CALHM5: variants seen among roughly 807,000 people sequenced by gnomAD.
The protein encoded by CALHM5 is calcium homeostasis modulator protein 5.
Under a neutral mutation model 20.9 loss-of-function variants are expected in CALHM5, and 17 were observed. The observed-to-expected ratio is 0.82, with a 90% confidence interval of 0.56 to 1.22. The LOEUF is 1.22. CALHM5 is among the 50% of genes most tolerant of loss of function. CALHM5 has a pLI of 0.00. For missense variants in CALHM5, 360 were observed against 364.6 expected (o/e 0.99, Z 0.10); for synonymous variants, 148 against 140.0 (o/e 1.06, Z -0.40).
intron 1 of CALHM5, among the ~76,000 whole-genome samples, chr6:116,512,944 A>C (rs938475619): frequency 2.6e-5 from 4 of 152,218 alleles, no homozygotes; most frequent in Non-Finnish European, 5.9e-5. Flanking sequence ...TGTTTTATTT[A>C]ACAGAAGGAA....
Position 116,511,802 on chromosome 6 carries a change from G to A in CALHM5, c.106G>A (p.Val36Ile), listed in dbSNP as rs1182515322. Residue 36 changes from valine (V) to isoleucine (I), a missense_variant, in exon 1 of 2, where the codon GTT becomes ATT. Val to Ile is a conservative substitution (Grantham distance 29). Coordinates refer to ENST00000368599, the MANE Select transcript of CALHM5 (RefSeq NM_153711.5). ...LTVGSERLFS[V>I]VAFKCPCSTE... ...CGTGGGAAGTGAGCGTCTCTTTTCT[G>A]TTGTGGCTTTTAAGTGCCCCTGCAG... is the stretch of plus-strand genomic sequence containing the variant. 2 of 1,614,072 alleles carry A rather than the reference G, an allele frequency of 1.2e-6. No homozygotes were observed. The highest frequency in any genetic ancestry group is 1.7e-6 in the Non-Finnish European group (2 of 1,179,982).
Position 116,515,645 on chromosome 6 carries a change from C to T in CALHM5, c.586C>T (p.Leu196Phe), listed in dbSNP as rs1169940812. 1.1e-5 allele frequency: 17 copies of T among 1,613,750 alleles called. No homozygotes were observed. In the African/African-American group the frequency reaches 2.1e-4, roughly 20 times the overall value. The change falls in exon 2 of 2, where the codon CTC becomes TTC. Residue 196 changes from leucine (L) to phenylalanine (F), a missense_variant. By Grantham distance (22) the Leu-to-Phe change is conservative (BLOSUM62 0). Transcript: ENST00000368599. ...LICSASFFSLLTTCYARCRSK... is the reference protein window; with the variant it reads ...LICSASFFSLFTTCYARCRSK... ...TTGTTCAGCGTCTTTCTTCTCTCTG[C>T]TCACCACATGTTATGCTCGCTGCCG... is the stretch of plus-strand genomic sequence containing the variant.
At position 116,516,113 on chromosome 6, in the gene CALHM5, T is replaced by C; in HGVS notation, c.*124T>C. On this transcript the variant is annotated 3_prime_UTR_variant, in exon 2 of 2. Transcript: ENST00000368599. ...CATTTGGAGTATGTTTACAAGACAA[T>C]AACACAAAGGAAACTGCTTTGAAGC... 1 of 1,307,234 alleles carries C rather than the reference T, an allele frequency of 7.6e-7. No homozygotes were observed. The highest frequency in any genetic ancestry group is 1.0e-6 in the Non-Finnish European group (1 of 981,082). The allele number at this position is 1,307,234 out of a possible 1,614,324, so 81.0% of individuals were successfully genotyped here. A position where few individuals can be genotyped will look rare whatever the true frequency, so the allele number is the denominator to read the frequency against.
chr6:116,512,149 A>C lies in CALHM5; in HGVS notation c.453A>C (p.Glu151Asp). The change falls in exon 1 of 2, where the codon GAA becomes GAC. Residue 151 changes from glutamate (E) to aspartate (D), a missense_variant. Physicochemically the swap from Glu to Asp is conservative, Grantham distance 45 (BLOSUM62 2). Coordinates refer to ENST00000368599, the MANE Select transcript of CALHM5 (RefSeq NM_153711.5). ...ICKGKPKECW[E>D]ELHKVSCGKT... ...AGGGTAAGCCCAAAGAGTGCTGGGA[A>C]GAACTTCACAAAGTATCTTGTGGCA... is the stretch of plus-strand genomic sequence containing the variant. The C allele has an allele frequency of 1.2e-6, 2 of 1,613,534 alleles. No homozygotes were observed. The highest frequency in any genetic ancestry group is 3.3e-4 in the Middle Eastern group (2 of 6,060).
At chr6:116,514,396 CTCAT>C (rs1583270466) in intron 1 of CALHM5, among the ~76,000 whole-genome samples, 1 of 152,186 alleles carries the variant, frequency 6.6e-6, no homozygotes, top group African/African-American at 2.4e-5. Context: ...TTGTGCCTCA[CTCAT>C]TAATTATAAG....
In CALHM5 at chr6:116,519,210, A is replaced by G. The variant is rs1287688005; in HGVS notation, c.*3221A>G. 1 of 152,210 alleles carries G rather than the reference A, an allele frequency of 6.6e-6. No individual in the cohort carries two copies. Among genetic ancestry groups the G allele is most frequent in the African/African-American group, 2.4e-5 (1 of 41,448 alleles). 9.4% of individuals were successfully genotyped at this position (152,210 alleles called of 1,614,324 possible). On this transcript the variant is annotated 3_prime_UTR_variant, in exon 2 of 2. Coordinates refer to ENST00000368599, the MANE Select transcript of CALHM5 (RefSeq NM_153711.5). ...ACAGGGAGCTGTGTATACATGATTT[A>G]TTAAAAGGAAATCCTCTTAGGAGAA...
rs756870417 is a variant in CALHM5 at position 116,515,774 on chromosome 6, G to C, written c.715G>C (p.Glu239Gln). The C allele has an allele frequency of 6.2e-7, 1 of 1,614,006 alleles. No homozygotes were observed. Among genetic ancestry groups the C allele is most frequent in the South Asian group, 1.1e-5 (1 of 91,078 alleles). ...TCTGGACTATGCCAACAAGCTGAGC[G>C]AGAGGAACCTGAAATGTTTTTTTGA... is the stretch of plus-strand genomic sequence containing the variant. ...TFLDYANKLS[E>Q]RNLKCFFENK... Residue 239 changes from glutamate to glutamine, a missense_variant, in exon 2 of 2, where the codon GAG becomes CAG. Physicochemically the swap from Glu to Gln is conservative, Grantham distance 29 (BLOSUM62 2). Transcript: ENST00000368599.
chr6:116,520,450 A>C lies in CALHM5; in HGVS notation c.*4461A>C, dbSNP rs1772311754. 1 of 152,098 alleles carries C rather than the reference A, an allele frequency of 6.6e-6. No homozygotes were observed. The highest frequency in any genetic ancestry group is 1.5e-5 in the Non-Finnish European group (1 of 68,012). The allele number at this position is 152,098 out of a possible 1,614,324, so 9.4% of individuals were successfully genotyped here. A position where few individuals can be genotyped will look rare whatever the true frequency, so the allele number is the denominator to read the frequency against. On this transcript the variant is annotated 3_prime_UTR_variant, in exon 2 of 2. Transcript: ENST00000368599. ...TGTGGGTAGTGCTTGGACTTCTCTG[A>C]TTTTAGATCCCAAAATCATTAAGAA...
At chr6:116,513,967 A>C (rs570879761) in intron 1 of CALHM5, among the ~76,000 whole-genome samples, 2 of 152,140 alleles carry the variant, frequency 1.3e-5, no homozygotes, top group Non-Finnish European at 2.9e-5. Context: ...TGGTAATATC[A>C]CTTACTTTGG....
rs746254011 is a variant in CALHM5 at position 116,520,292 on chromosome 6, A to G, written c.*4303A>G. 1 of 152,106 alleles carries G rather than the reference A, an allele frequency of 6.6e-6. No homozygotes were observed. Among genetic ancestry groups the G allele is most frequent in the Non-Finnish European group, 1.5e-5 (1 of 68,032 alleles). 9.4% of individuals were successfully genotyped at this position (152,106 alleles called of 1,614,324 possible). ...TTCAAGTACTTCAACTATTAACTATATTATTCTATTTAGACTTTGGTGGTT... is the reference window on the plus strand; with the variant it reads ...TTCAAGTACTTCAACTATTAACTATGTTATTCTATTTAGACTTTGGTGGTT... On this transcript the variant is annotated 3_prime_UTR_variant, in exon 2 of 2. Coordinates refer to ENST00000368599, the MANE Select transcript of CALHM5 (RefSeq NM_153711.5).
At chr6:116,515,117 G>A (rs1040552511) in intron 1 of CALHM5, among the ~76,000 whole-genome samples, 4 of 152,080 alleles carry the variant, frequency 2.6e-5, no homozygotes, top group East Asian at 1.9e-4. Context: ...TGATTGTATC[G>A]TCTGTCTCCC....
At position 116,516,741 on chromosome 6, in the gene CALHM5, A is replaced by G. The variant is rs1045527542; in HGVS notation, c.*752A>G. The G allele has an allele frequency of 6.9e-6, 1 of 145,842 alleles. No homozygotes were observed. Among genetic ancestry groups the G allele is most frequent in the Non-Finnish European group, 1.5e-5 (1 of 66,388 alleles). The allele number at this position is 145,842 out of a possible 1,614,324, so 9.0% of individuals were successfully genotyped here. On this transcript the variant is annotated 3_prime_UTR_variant, in exon 2 of 2. Transcript: ENST00000368599. ...CACAGAAATATATATTTATAACTGC[A>G]TTGATAAAAGGTGAATATATTAGCA...
rs928312428 is a variant in CALHM5 at position 116,519,449 on chromosome 6, C to A, written c.*3460C>A. 6.6e-6 allele frequency: 1 copy of A among 152,204 alleles called. No individual in the cohort carries two copies. The highest frequency in any genetic ancestry group is 1.5e-5 in the Non-Finnish European group (1 of 68,054). The allele number at this position is 152,204 out of a possible 1,614,324, so 9.4% of individuals were successfully genotyped here. A position where few individuals can be genotyped will look rare whatever the true frequency, so the allele number is the denominator to read the frequency against. On this transcript the variant is annotated 3_prime_UTR_variant, in exon 2 of 2. Transcript: ENST00000368599. Reference sequence around the variant, plus strand: ...TCCAGGTGAGGAGTCTCCAGTGGCCCAAGGGTGATCCTCCAGAGGAGGTTA... The same window carrying A: ...TCCAGGTGAGGAGTCTCCAGTGGCCAAAGGGTGATCCTCCAGAGGAGGTTA...
Position 116,515,780 on chromosome 6 carries a change from A to G in CALHM5, c.721A>G (p.Asn241Asp), listed in dbSNP as rs745401349. ...CTATGCCAACAAGCTGAGCGAGAGGAACCTGAAATGTTTTTTTGAAAACAA... is the reference window on the plus strand; with the variant it reads ...CTATGCCAACAAGCTGAGCGAGAGGGACCTGAAATGTTTTTTTGAAAACAA... ...LDYANKLSER[N>D]LKCFFENKRP... The change falls in exon 2 of 2, where the codon AAC becomes GAC. Residue 241 changes from asparagine to aspartate, a missense_variant. Coordinates refer to ENST00000368599, the MANE Select transcript of CALHM5 (RefSeq NM_153711.5). The G allele has an allele frequency of 6.2e-7, 1 of 1,614,008 alleles. No homozygotes were observed. The highest frequency in any genetic ancestry group is 8.5e-7 in the Non-Finnish European group (1 of 1,179,914).
chr6:116,520,248 C>T lies in CALHM5; in HGVS notation c.*4259C>T, dbSNP rs1199491311. On this transcript the variant is annotated 3_prime_UTR_variant, in exon 2 of 2. Coordinates refer to ENST00000368599, the MANE Select transcript of CALHM5 (RefSeq NM_153711.5). ...TCACTGGGTAGCAGAAAACTGCTAC[C>T]GCTTCTCACATGATATATTTCAAGT... is the stretch of plus-strand genomic sequence containing the variant. 1.3e-5 allele frequency: 2 copies of T among 151,982 alleles called. No homozygotes were observed. Among genetic ancestry groups the T allele is most frequent in the East Asian group, 1.9e-4 (1 of 5,182 alleles). 9.4% of individuals were successfully genotyped at this position (151,982 alleles called of 1,614,324 possible).
rs145341144 is a variant in CALHM5, at chr6:116,515,947, T to G, written c.888T>G (p.Asp296Glu). 321 of 1,612,040 alleles carry G rather than the reference T, an allele frequency of 2.0e-4. No homozygotes were observed. Among genetic ancestry groups the G allele is most frequent in the Non-Finnish European group, 1.9e-4 (225 of 1,178,600 alleles). The change falls in exon 2 of 2, where the codon GAT becomes GAG. Residue 296 changes from aspartate (D) to glutamate (E), a missense_variant. Physicochemically the swap from Asp to Glu is conservative, Grantham distance 45. Coordinates refer to ENST00000368599, the MANE Select transcript of CALHM5 (RefSeq NM_153711.5). ...DNGLQLSPED[D>E]ETTMVLVGTA... ...GTCTGCAACTTAGCCCTGAGGATGATGAGACGACAATGGTCCTTGTGGGTA... is the reference window on the plus strand; with the variant it reads ...GTCTGCAACTTAGCCCTGAGGATGAGGAGACGACAATGGTCCTTGTGGGTA...
chr6:116,517,140 C>T lies in CALHM5; in HGVS notation c.*1151C>T, dbSNP rs542170992. ...ACTAATCCCATTCCTGGAGGCTCCACCTTCATGACCCAATTACTTCTCAAG... is the reference window on the plus strand; with the variant it reads ...ACTAATCCCATTCCTGGAGGCTCCATCTTCATGACCCAATTACTTCTCAAG... On this transcript the variant is annotated 3_prime_UTR_variant, in exon 2 of 2. Transcript: ENST00000368599. 3.3e-5 allele frequency: 5 copies of T among 152,206 alleles called. No homozygotes were observed. The East Asian group carries it at 9.7e-4, about 29-fold the overall frequency. 9.4% of individuals were successfully genotyped at this position (152,206 alleles called of 1,614,324 possible). A position where few individuals can be genotyped will look rare whatever the true frequency, so the allele number is the denominator to read the frequency against.
chr6:116,515,941 G>A lies in CALHM5; in HGVS notation c.882G>A (p.Glu294=). 1 of 1,612,652 alleles carries A rather than the reference G, an allele frequency of 6.2e-7. No homozygotes were observed. Among genetic ancestry groups the A allele is most frequent in the South Asian group, 1.1e-5 (1 of 90,968 alleles). ...ACAATGGTCTGCAACTTAGCCCTGAGGATGATGAGACGACAATGGTCCTTG... is the reference window on the plus strand; with the variant it reads ...ACAATGGTCTGCAACTTAGCCCTGAAGATGATGAGACGACAATGGTCCTTG... ...VVDNGLQLSP[E]DDETTMVLVG... The change falls in exon 2 of 2, where the codon GAG becomes GAA. Residue 294 remains glutamate, a synonymous_variant. Transcript: ENST00000368599.
In CALHM5 at chr6:116,516,277, G is replaced by T; in HGVS notation, c.*288G>T. The stretch of plus-strand genomic sequence containing the variant: ...TTTATCATTCAACAGACAGACTCAT[G>T]TGAGAGGGCTCATCAGTCTCTGTAA... On this transcript the variant is annotated 3_prime_UTR_variant, in exon 2 of 2. Coordinates refer to ENST00000368599, the MANE Select transcript of CALHM5 (RefSeq NM_153711.5). 1 of 279,058 alleles carries T rather than the reference G, an allele frequency of 3.6e-6. No individual in the cohort carries two copies. The highest frequency in any genetic ancestry group is 6.7e-6 in the Non-Finnish European group (1 of 149,398). 17.3% of individuals were successfully genotyped at this position (279,058 alleles called of 1,614,324 possible).
Sources: gnomAD v4.1 joint callset for allele counts (sites outside exome capture counted in the v4.1 genomes callset) on GRCh38, gnomAD v4.1.1 for gene constraint, MANE v1.5 for transcripts, NCBI Gene and HGNC (gene_info 2026-07-23, HGNC 2026-07-21) for gene names.